Variants in TMED5 observed in about 807,000 individuals in gnomAD.
TMED5 encodes transmembrane emp24 domain-containing protein 5.
Under a neutral mutation model 23.0 loss-of-function variants are expected in TMED5, and 27 were observed. That is an observed-to-expected ratio of 1.17 (90% CI 0.86 to 1.62). The LOEUF (loss-of-function observed/expected upper bound fraction) is 1.62, where lower values mean the gene tolerates loss of function less well. Ranked by LOEUF, TMED5 falls within the 40% of genes most tolerant of loss-of-function variation. The pLI is 0.00. For missense variants in TMED5, 248 were observed against 273.7 expected (o/e 0.91, Z 0.66); for synonymous variants, 97 against 100.8 (o/e 0.96, Z 0.23).
At chr1:93,154,952 A>T (rs1227913145) in intron 3 of TMED5, 64 bp from the exon 4 acceptor site, 6 of 1,251,846 alleles carry the variant, frequency 4.8e-6, no homozygotes, top group Non-Finnish European at 6.7e-6. Flanking sequence ...TAATTAAAAA[A>T]TGAGGCTGGG....
chr1:93,158,053 G>A (rs1001552793), intron 2 of TMED5, among the ~76,000 whole-genome samples: 2 of 151,480 alleles, frequency 1.3e-5, no homozygotes, highest in African/African-American at 4.9e-5. Flanking sequence ...GAACCCAGGA[G>A]GCGGAGCTTG....
intron 2 of TMED5, among the ~76,000 whole-genome samples, chr1:93,159,533 G>C (rs146370469): frequency 1.0e-3 from 153 of 152,304 alleles, no homozygotes; most frequent in African/African-American, 3.6e-3. Flanking sequence ...AGAGGGAAGT[G>C]AGGTGTCAGA....
rs1648270967 is a variant in TMED5, at chr1:93,161,445, ACT to A, written c.190-1221_190-1220del. On this transcript the variant is annotated intron_variant, in intron 1 of 3. Coordinates refer to ENST00000370282, the MANE Select transcript of TMED5 (RefSeq NM_016040.5). ...TTCTGTTCCATTCTCCTGAATAGGT[ACT>A]CATCCAATTGTATTCATTCTTTAAG... The A allele has an allele frequency of 2.0e-5, 3 of 152,306 alleles. No homozygotes were observed. The East Asian group carries it at 5.8e-4, about 29-fold the overall frequency. 9.4% of individuals were successfully genotyped at this position (152,306 alleles called of 1,614,324 possible).
chr1:93,179,920 G>T, intron 1 of TMED5, 134 bp downstream of exon 1: 1 of 963,986 alleles, frequency 1.0e-6, no homozygotes, highest in South Asian at 1.8e-5. Flanking sequence ...CCTGCGCGGA[G>T]CGGGCTGGCT....
At chr1:93,156,063 A>C in intron 3 of TMED5, 1 of 1,477,480 alleles carries the variant, frequency 6.8e-7, no homozygotes, top group South Asian at 1.4e-5. Flanking sequence ...TGCACATCTG[A>C]AGCTATTTTT....
At chr1:93,158,222 G>A (rs887577099) in intron 2 of TMED5, among the ~76,000 whole-genome samples, 1 of 151,710 alleles carries the variant, frequency 6.6e-6, no homozygotes, top group Admixed American at 6.6e-5. Flanking sequence ...TTCACTAGCT[G>A]TGTAACCTTC....
At chr1:93,166,313 T>C (rs1439393486) in intron 1 of TMED5, among the ~76,000 whole-genome samples, 3 of 152,226 alleles carry the variant, frequency 2.0e-5, no homozygotes, top group Non-Finnish European at 4.4e-5. Context: ...ATGGTAGCTG[T>C]ATTTTTAGTT....
rs1255848608 is a variant in TMED5, at chr1:93,152,304, A to C, written c.*2366T>G. The C allele has an allele frequency of 6.6e-6, 1 of 152,604 alleles. No individual in the cohort carries two copies. Among genetic ancestry groups the C allele is most frequent in the African/African-American group, 2.4e-5 (1 of 41,444 alleles). 9.5% of individuals were successfully genotyped at this position (152,604 alleles called of 1,614,324 possible). A position where few individuals can be genotyped will look rare whatever the true frequency, so the allele number is the denominator to read the frequency against. On this transcript the variant is annotated 3_prime_UTR_variant, in exon 4 of 4. Coordinates refer to ENST00000370282, the MANE Select transcript of TMED5 (RefSeq NM_016040.5). ...TAAAATTTGTATATTGAAAAAGACA[A>C]AATGAGCTGTTAAGTGATAAACAGC...
intron 1 of TMED5, among the ~76,000 whole-genome samples, chr1:93,174,026 C>T (rs1648822153): frequency 2.6e-5 from 4 of 151,944 alleles, no homozygotes. Context: ...AGCACGATCT[C>T]GGCTCACTGC....
At chr1:93,156,270 A>C (rs1165591087) in intron 3 of TMED5, 30 bp downstream of exon 3, 4 of 1,593,330 alleles carry the variant, frequency 2.5e-6, no homozygotes, top group Middle Eastern at 1.7e-4. Context: ...GCTGTTAATA[A>C]TTTTTATTTT....
chr1:93,164,038 A>T (rs1048069640), intron 1 of TMED5, among the ~76,000 whole-genome samples: 2 of 152,052 alleles, frequency 1.3e-5, no homozygotes, highest in African/African-American at 4.8e-5. Context: ...TTTCAATGGA[A>T]CATGATGGGG....
At chr1:93,175,190 T>C (rs961704579) in intron 1 of TMED5, among the ~76,000 whole-genome samples, 15 of 142,082 alleles carry the variant, frequency 1.1e-4, no homozygotes, top group Non-Finnish European at 2.3e-4. Context: ...TATATATATA[T>C]ATATATATAT....
chr1:93,153,861 C>CTTAT lies in TMED5; in HGVS notation c.*805_*808dup, dbSNP rs1224549685. The stretch of plus-strand genomic sequence containing the variant: ...CTTGACAGATACTATTAAAAATAAA[C>CTTAT]TTATTTTACCTCACATTTAATTTTA... On this transcript the variant is annotated 3_prime_UTR_variant, in exon 4 of 4. Coordinates refer to ENST00000370282, the MANE Select transcript of TMED5 (RefSeq NM_016040.5). 1 of 152,056 alleles carries CTTAT rather than the reference C, an allele frequency of 6.6e-6. No individual in the cohort carries two copies. The highest frequency in any genetic ancestry group is 1.5e-5 in the Non-Finnish European group (1 of 67,962). 9.4% of individuals were successfully genotyped at this position (152,056 alleles called of 1,614,324 possible).
rs1469442341 is a variant in TMED5 at position 93,152,515 on chromosome 1, AG to A, written c.*2154del. ...TTTGTCTATAAAAATAATTGTCCTT[AG>A]TATTCCTAAATTCTTTTCCAAATAA... On this transcript the variant is annotated 3_prime_UTR_variant, in exon 4 of 4. Coordinates refer to ENST00000370282, the MANE Select transcript of TMED5 (RefSeq NM_016040.5). 1.3e-5 allele frequency: 2 copies of A among 152,430 alleles called. No individual in the cohort carries two copies. Among genetic ancestry groups the A allele is most frequent in the East Asian group, 3.8e-4 (2 of 5,206 alleles). The allele number at this position is 152,430 out of a possible 1,614,324, so 9.4% of individuals were successfully genotyped here. A position where few individuals can be genotyped will look rare whatever the true frequency, so the allele number is the denominator to read the frequency against.
In TMED5 at chr1:93,151,997, A is replaced by G. The variant is rs923707393; in HGVS notation, c.*2673T>C. ...TGAAAAATCCTTACATGTGGAATCA[A>G]TGTCTTTTAAAATTTCAGATAAAGA... On this transcript the variant is annotated 3_prime_UTR_variant, in exon 4 of 4. Transcript: ENST00000370282. The G allele has an allele frequency of 1.7e-4, 26 of 152,756 alleles. No homozygotes were observed. Among genetic ancestry groups the G allele is most frequent in the African/African-American group, 4.8e-4 (20 of 41,590 alleles). The allele number at this position is 152,756 out of a possible 1,614,324, so 9.5% of individuals were successfully genotyped here. A position where few individuals can be genotyped will look rare whatever the true frequency, so the allele number is the denominator to read the frequency against.
chr1:93,177,406 C>T (rs1159699899), intron 1 of TMED5, among the ~76,000 whole-genome samples: 2 of 151,746 alleles, frequency 1.3e-5, no homozygotes, highest in Non-Finnish European at 1.5e-5. Context: ...AGTGAAACCC[C>T]GTCTCTACTA....
intron 1 of TMED5, among the ~76,000 whole-genome samples, chr1:93,165,956 A>G (rs1049077605): frequency 6.6e-6 from 1 of 151,910 alleles, no homozygotes; most frequent in African/African-American, 2.4e-5. Context: ...TCTACTCTCT[A>G]TCTCCATAAG....
At chr1:93,157,065 T>G (rs1648100473) in intron 2 of TMED5, among the ~76,000 whole-genome samples, 1 of 152,142 alleles carries the variant, frequency 6.6e-6, no homozygotes, top group African/African-American at 2.4e-5. Flanking sequence ...CATAATAAAC[T>G]TTAATATTTA....
rs1182997092 is a variant in TMED5 at position 93,154,730 on chromosome 1, T to C, written c.630A>G (p.Ser210=). ...TCTTCAGCATATAAACTTGAATGGC[T>C]GACACCACCACCATGACCACTAAAT... ...MVNLVVMVVV[S]AIQVYMLKSL... The change falls in exon 4 of 4, where the codon TCA becomes TCG. Residue 210 remains serine (S), a synonymous_variant. Coordinates refer to ENST00000370282, the MANE Select transcript of TMED5 (RefSeq NM_016040.5). 6.2e-7 allele frequency: 1 copy of C among 1,614,096 alleles called. No homozygotes were observed. Among genetic ancestry groups the C allele is most frequent in the Admixed American group, 1.7e-5 (1 of 60,010 alleles).
Sources: gnomAD v4.1 joint callset for allele counts (sites outside exome capture counted in the v4.1 genomes callset) on GRCh38, gnomAD v4.1.1 for gene constraint, MANE v1.5 for transcripts, NCBI Gene and HGNC (gene_info 2026-07-23, HGNC 2026-07-21) for gene names.